Variants in ZHX2 observed in about 807,000 individuals in gnomAD.
ZHX2 encodes the protein zinc fingers and homeoboxes 2, also known as zinc fingers and homeoboxes protein 2.
In ZHX2, 6 loss-of-function variants were observed where a neutral mutation model predicts 21.9. That is an observed-to-expected ratio of 0.27 (90% CI 0.15 to 0.54). The LOEUF is 0.54. Among genes scored for constraint, ZHX2 ranks in the 20% least tolerant of loss-of-function variants. The pLI is 0.95. For synonymous variants in ZHX2, 434 were observed against 437.1 expected (o/e 0.99, Z 0.09); for missense variants, 908 against 1,090.7 (o/e 0.83, Z 2.36).
intron 1 of ZHX2, among the ~76,000 whole-genome samples, chr8:122,861,513 T>C (rs1819167325): frequency 6.6e-6 from 1 of 152,148 alleles, no homozygotes. Flanking sequence ...GTTTTCCTCT[T>C]GGTCTGTGAG....
chr8:122,842,741 C>G (rs1325096155), intron 1 of ZHX2, among the ~76,000 whole-genome samples: 1 of 152,140 alleles, frequency 6.6e-6, no homozygotes, highest in Admixed American at 6.5e-5. Context: ...GGGGTTCACC[C>G]CAGAACCTAA....
At position 122,937,115 on chromosome 8, in the gene ZHX2, A is replaced by C. The variant is rs1000454398; in HGVS notation, c.-219-14177A>C. ...AGGGCACTAGGTAGGCAATGCCTGC[A>C]TCCAACCGGGGAGGCCCAGGGCTCA... On this transcript the variant is annotated intron_variant, in intron 2 of 3. Transcript: ENST00000314393. 2.0e-5 allele frequency among the ~76,000 whole-genome samples: 3 copies of C among 152,244 alleles called. No homozygotes were observed. In the East Asian group the frequency reaches 5.8e-4, roughly 29 times the overall value.
At chr8:122,861,205 A>G (rs746629254) in intron 1 of ZHX2, among the ~76,000 whole-genome samples, 20 of 152,164 alleles carry the variant, frequency 1.3e-4, no homozygotes, top group South Asian at 4.1e-4. Flanking sequence ...GCATGGAGTC[A>G]TCTGTGGCTT....
At chr8:122,853,916 CTT>C (rs911344883) in intron 1 of ZHX2, among the ~76,000 whole-genome samples, 1 of 152,150 alleles carries the variant, frequency 6.6e-6, no homozygotes, top group African/African-American at 2.4e-5. Context: ...TCTGATGACT[CTT>C]TTTTTAACAC....
chr8:122,967,397 A>G (rs1383782146), intron 3 of ZHX2, among the ~76,000 whole-genome samples: 1 of 152,064 alleles, frequency 6.6e-6, no homozygotes, highest in Non-Finnish European at 1.5e-5. Context: ...TGAGAGCCAG[A>G]CTGCAGTGGT....
At chr8:122,955,130 T>G (rs1586423267) in intron 3 of ZHX2, among the ~76,000 whole-genome samples, 1 of 139,926 alleles carries the variant, frequency 7.1e-6, no homozygotes. Context: ...ATCCCCATAA[T>G]GGGACATGCC....
intron 1 of ZHX2, among the ~76,000 whole-genome samples, chr8:122,852,724 T>G (rs959280758): frequency 6.6e-6 from 1 of 152,072 alleles, no homozygotes; most frequent in Non-Finnish European, 1.5e-5. Flanking sequence ...AGTAAGAGAA[T>G]GGGACGAGAC....
intron 2 of ZHX2, among the ~76,000 whole-genome samples, chr8:122,911,656 T>G (rs1820484203): frequency 6.6e-6 from 1 of 152,148 alleles, no homozygotes; most frequent in African/African-American, 2.4e-5. Flanking sequence ...GACACAGCAG[T>G]GTACAAGAAG....
intron 1 of ZHX2, among the ~76,000 whole-genome samples, chr8:122,786,940 C>T (rs1381508588): frequency 6.6e-6 from 1 of 152,110 alleles, no homozygotes; most frequent in Non-Finnish European, 1.5e-5. Flanking sequence ...TCATTTTGAA[C>T]TGAAAAAACT....
intron 2 of ZHX2, among the ~76,000 whole-genome samples, chr8:122,920,093 G>A (rs1820701801): frequency 6.6e-6 from 1 of 152,148 alleles, no homozygotes; most frequent in African/African-American, 2.4e-5. Flanking sequence ...GGTCAACATG[G>A]CAAAACTCCG....
Position 122,923,574 on chromosome 8 carries a change from G to GA in ZHX2, c.-219-27712dup, listed in dbSNP as rs1563585863. 2.0e-5 allele frequency among the ~76,000 whole-genome samples: 3 copies of GA among 152,144 alleles called. No homozygotes were observed. In the South Asian group the frequency reaches 6.2e-4, roughly 31 times the overall value. ...GGGAACATGGACCCCATCTCTCAAT[G>GA]AAAAAAGTGTCACACAATTTGCAAC... On this transcript the variant is annotated intron_variant, in intron 2 of 3. Coordinates refer to ENST00000314393, the MANE Select transcript of ZHX2 (RefSeq NM_014943.5).
chr8:122,892,234 T>A (rs973513661), intron 2 of ZHX2, among the ~76,000 whole-genome samples: 6 of 150,154 alleles, frequency 4.0e-5, no homozygotes, highest in Non-Finnish European at 7.5e-5. Context: ...CTAATATAAG[T>A]ATAGCTACTG....
intron 1 of ZHX2, among the ~76,000 whole-genome samples, chr8:122,783,818 T>G (rs1817339987): frequency 6.6e-6 from 1 of 152,236 alleles, no homozygotes; most frequent in Non-Finnish European, 1.5e-5. Flanking sequence ...CACAGCTTCT[T>G]TTAAGGCCAG....
At chr8:122,820,491 C>T (rs1228928519) in intron 1 of ZHX2, among the ~76,000 whole-genome samples, 1 of 152,212 alleles carries the variant, frequency 6.6e-6, no homozygotes, top group Non-Finnish European at 1.5e-5. Flanking sequence ...CTTGCTGTGT[C>T]TGTCACTGGA....
Position 122,952,908 on chromosome 8 carries a change from T to A in ZHX2, c.1398T>A (p.Asp466Glu). 1.9e-6 allele frequency: 3 copies of A among 1,614,134 alleles called. No individual in the cohort carries two copies. In the South Asian group the frequency reaches 3.3e-5, roughly 18 times the overall value. ...TTCTCCAGAGCCAGTTCCCTGACGA[T>A]GCCGAGGTTTACCGGCTCATCGAGG... is the stretch of plus-strand genomic sequence containing the variant. The part of the protein sequence containing the change: ...ASFLQSQFPD[D>E]AEVYRLIEVT... Residue 466 changes from aspartate (D) to glutamate (E), a missense_variant, in exon 3 of 4, where the codon GAT (aspartate) becomes GAA (glutamate). Physicochemically the swap from Asp to Glu is conservative, Grantham distance 45. Transcript: ENST00000314393. This position sits in a 1 kb window ranked among gnomAD's most constrained non-coding sequence, Gnocchi z 6.9.
At chr8:122,967,357 T>C (rs1813609025) in intron 3 of ZHX2, among the ~76,000 whole-genome samples, 1 of 152,188 alleles carries the variant, frequency 6.6e-6, no homozygotes, top group Non-Finnish European at 1.5e-5. Flanking sequence ...GATGTGTTGC[T>C]CTCCCCCTTT....
At chr8:122,879,884 TTCTTGAG>T (rs1377357200) in intron 2 of ZHX2, among the ~76,000 whole-genome samples, 7 of 152,118 alleles carry the variant, frequency 4.6e-5, no homozygotes, top group African/African-American at 1.7e-4. Context: ...AGGACTAGGA[TTCTTGAG>T]TGCTGCCCTG....
At chr8:122,892,631 T>C (rs1317982527) in intron 2 of ZHX2, among the ~76,000 whole-genome samples, 1 of 152,216 alleles carries the variant, frequency 6.6e-6, no homozygotes, top group Non-Finnish European at 1.5e-5. Context: ...TGGTAGTTAA[T>C]CATCCTTTTG....
chr8:122,927,677 C>G (rs1429755561), intron 2 of ZHX2, among the ~76,000 whole-genome samples: 1 of 152,162 alleles, frequency 6.6e-6, no homozygotes, highest in Admixed American at 6.5e-5. Flanking sequence ...TCTCATGAGA[C>G]TCATTCACTA....
Sources: allele counts gnomAD v4.1 joint callset (sites outside exome capture counted in the v4.1 genomes callset), GRCh38; gene constraint gnomAD v4.1.1; non-coding constraint Gnocchi (gnomAD v3.1); transcripts MANE v1.5; gene names NCBI Gene and HGNC (gene_info 2026-07-23, HGNC 2026-07-21).